The following UNC13C variants were observed in gnomAD, a reference collection of about 807,000 sequenced individuals.
The protein encoded by UNC13C is unc-13 homolog C.
In UNC13C, 174 loss-of-function variants were observed where a neutral mutation model predicts 245.4. That is an observed-to-expected ratio of 0.71 (90% CI 0.63 to 0.80). The LOEUF (loss-of-function observed/expected upper bound fraction) is 0.80, where lower values mean the gene tolerates loss of function less well. Among genes scored for constraint, UNC13C ranks in the 30% least tolerant of loss-of-function variants. The pLI is 0.00. For missense variants in UNC13C, 2,829 were observed against 2,602.9 expected (o/e 1.09, Z -1.89); for synonymous variants, 992 against 895.1 (o/e 1.11, Z -1.93).
intron 30 of UNC13C, among the ~76,000 whole-genome samples, chr15:54,609,108 T>G (rs998195143): frequency 6.6e-6 from 1 of 152,224 alleles, no homozygotes; most frequent in Admixed American, 6.5e-5. Context: ...TGGTCATCTC[T>G]TGGATGTGTT....
intron 15 of UNC13C, among the ~76,000 whole-genome samples, 194 bp downstream of exon 15, chr15:54,332,305 C>CTGTG (rs34179914): frequency 0.35 from 50,741 of 145,492 alleles, 10,089 homozygotes; most frequent in Middle Eastern, 0.48. Flanking sequence ...CAACAATACT[C>CTGTG]TGTGTGTGTG....
intron 9 of UNC13C, 117 bp downstream of exon 9, chr15:54,264,512 A>G (rs1465037083): frequency 2.4e-6 from 2 of 827,216 alleles, no homozygotes; most frequent in Non-Finnish European, 3.8e-6. Flanking sequence ...AATCATGTTA[A>G]TATGAACAAG....
At position 54,024,783 on chromosome 15, in the gene UNC13C, C is replaced by T. The variant is rs139217351; in HGVS notation, c.2983+8897C>T. ...CAAAAAAATTAGCCGGGCGTGGTCC[C>T]GGGCGCCTGTAGACCCAGCTACTCT... On this transcript the variant is annotated intron_variant, in intron 2 of 32. Coordinates refer to ENST00000260323, the MANE Select transcript of UNC13C (RefSeq NM_001080534.3). 5.0e-4 allele frequency among the ~76,000 whole-genome samples: 76 copies of T among 152,088 alleles called. No individual in the cohort carries two copies. The East Asian group carries it at 0.014, about 28-fold the overall frequency.
At chr15:53,932,422 A>G in the UNC13C span, among the ~76,000 whole-genome samples, 3 of 152,180 alleles carry the variant, frequency 2.0e-5, no homozygotes, top group Non-Finnish European at 2.9e-5. Context: ...CCCCATTCTA[A>G]ATTATAGAAT....
intron 2 of UNC13C, among the ~76,000 whole-genome samples, chr15:54,026,059 A>G (rs1896096449): frequency 6.6e-6 from 1 of 152,096 alleles, no homozygotes; most frequent in African/African-American, 2.4e-5. Context: ...GTTCCTATAC[A>G]CATACATAAA....
Position 54,014,926 on chromosome 15 carries a change from G to C in UNC13C, c.2023G>C (p.Gly675Arg). 6.2e-7 allele frequency: 1 copy of C among 1,613,876 alleles called. No homozygotes were observed. Residue 675 changes from glycine (G) to arginine (R), a missense_variant, in exon 2 of 33, where the codon GGT becomes CGT. By Grantham distance (125) the Gly-to-Arg change is moderately radical (BLOSUM62 -2). Coordinates refer to ENST00000260323, the MANE Select transcript of UNC13C (RefSeq NM_001080534.3). ...AGGCTTGGATTCATCCACCCAGGAA[G>C]GTTTTGATTATGAAACAAACAGTCT... is the stretch of plus-strand genomic sequence containing the variant. ...DLGLDSSTQE[G>R]FDYETNSLFD...
At chr15:54,633,111 G>A (rs1435255772), downstream of UNC13C, 1 of 152,126 alleles carries the variant, frequency 6.6e-6, no homozygotes, top group Admixed American at 6.6e-5. Context: ...GCTGCAGTGA[G>A]ACGAGATCAC....
chr15:54,396,868 G>T (rs952955757), intron 18 of UNC13C, among the ~76,000 whole-genome samples: 1 of 150,080 alleles, frequency 6.7e-6, no homozygotes, highest in Non-Finnish European at 1.5e-5. Context: ...TCCAAATTAG[G>T]ATGTTTATCT....
At chr15:54,340,679 G>A (rs1189848816) in intron 17 of UNC13C, among the ~76,000 whole-genome samples, 1 of 152,066 alleles carries the variant, frequency 6.6e-6, no homozygotes, top group Non-Finnish European at 1.5e-5. Flanking sequence ...TGCTGTTTTG[G>A]TGACTATGGC....
chr15:54,103,659 A>AT (rs200260297), intron 2 of UNC13C, among the ~76,000 whole-genome samples: 6 of 151,408 alleles, frequency 4.0e-5, no homozygotes, highest in African/African-American at 9.7e-5. Flanking sequence ...CCCTGTCATT[A>AT]TTTTTTTTTC....
At chr15:54,305,040 C>T (rs1344682881) in intron 13 of UNC13C, among the ~76,000 whole-genome samples, 1 of 152,056 alleles carries the variant, frequency 6.6e-6, no homozygotes, top group Non-Finnish European at 1.5e-5. Context: ...CACTTCAATT[C>T]TATTCCACGA....
chr15:54,030,367 T>A (rs774316879), intron 2 of UNC13C, among the ~76,000 whole-genome samples: 4 of 152,192 alleles, frequency 2.6e-5, no homozygotes, highest in Admixed American at 6.5e-5. Context: ...CCCCTGCGGT[T>A]AGTTGTTATA....
chr15:54,108,478 T>C (rs1254493450), intron 2 of UNC13C, among the ~76,000 whole-genome samples: 1 of 152,170 alleles, frequency 6.6e-6, no homozygotes, highest in Non-Finnish European at 1.5e-5. Flanking sequence ...TGAGCCACCG[T>C]GCCTGGCCTT....
At chr15:54,590,866 G>C (rs1898749914) in intron 30 of UNC13C, among the ~76,000 whole-genome samples, 1 of 152,152 alleles carries the variant, frequency 6.6e-6, no homozygotes, top group Admixed American at 6.6e-5. Flanking sequence ...TCCCTGTCTT[G>C]TTCTAGTTCT....
chr15:54,532,924 G>A lies in UNC13C; in HGVS notation c.5554G>A (p.Val1852Ile). 6.5e-7 allele frequency: 1 copy of A among 1,538,960 alleles called. No homozygotes were observed. The change falls in exon 26 of 33, where the codon GTT becomes ATT. Residue 1852 changes from valine (V) to isoleucine (I), a missense_variant. Coordinates refer to ENST00000260323, the MANE Select transcript of UNC13C (RefSeq NM_001080534.3). ...TATATTCTTTATTTTTAGTTTCCAG[G>A]TTATAATTGAAGAGTGTATAAAACA... ...LSVTYGESFQ[V>I]IIEECIKQMS...
intron 14 of UNC13C, among the ~76,000 whole-genome samples, chr15:54,325,416 T>C (rs1398156614): frequency 6.6e-6 from 1 of 152,090 alleles, no homozygotes; most frequent in Non-Finnish European, 1.5e-5. Flanking sequence ...AACAGTCTTT[T>C]TGTTATTATT....
rs377595862 is a variant in UNC13C at position 54,623,730 on chromosome 15, T to G, written c.6200-65T>G. 8 of 1,491,198 alleles carry G rather than the reference T, an allele frequency of 5.4e-6. No individual in the cohort carries two copies. The East Asian group carries it at 1.2e-4, about 22-fold the overall frequency. The allele number at this position is 1,491,198 out of a possible 1,614,324, so 92.4% of individuals were successfully genotyped here. On this transcript the variant is annotated intron_variant, in intron 31 of 32. Coordinates refer to ENST00000260323, the MANE Select transcript of UNC13C (RefSeq NM_001080534.3). ...TTAAGTTTTGGCTTCATAAATCACT[T>G]TTAAAATTTCACTCTAAATTTCCAC... is the stretch of plus-strand genomic sequence containing the variant.
chr15:54,468,330 T>C, intron 19 of UNC13C, among the ~76,000 whole-genome samples: 1 of 151,738 alleles, frequency 6.6e-6, no homozygotes, highest in East Asian at 1.9e-4. Context: ...TTTGAGTTCA[T>C]TGTATTAATG....
At chr15:54,515,504 C>G (rs926688794) in intron 24 of UNC13C, among the ~76,000 whole-genome samples, 3 of 152,098 alleles carry the variant, frequency 2.0e-5, no homozygotes, top group Admixed American at 1.3e-4. Flanking sequence ...AAGGACTTAT[C>G]ATTAATTTGT....
Sources: allele counts gnomAD v4.1 joint callset (sites outside exome capture counted in the v4.1 genomes callset), GRCh38; gene constraint gnomAD v4.1.1; transcripts MANE v1.5; gene names NCBI Gene and HGNC (gene_info 2026-07-23, HGNC 2026-07-21).